PRKN: variants seen among roughly 807,000 people sequenced by gnomAD.
PRKN encodes the protein parkin RBR E3 ubiquitin protein ligase.
PRKN carries 56 observed loss-of-function variants against 59.5 expected under a neutral mutation model. That is an observed-to-expected ratio of 0.94 (90% confidence interval 0.76 to 1.18). The LOEUF (loss-of-function observed/expected upper bound fraction) is 1.18, where lower values mean the gene tolerates loss of function less well. PRKN is among the 50% of genes most tolerant of loss of function. PRKN has a pLI of 0.00. For synonymous variants in PRKN, 250 were observed against 222.1 expected (o/e 1.13, Z -1.12); for missense variants, 657 against 596.4 (o/e 1.10, Z -1.06).
At chr6:162,570,730 T>C (rs917179298) in intron 1 of PRKN, among the ~76,000 whole-genome samples, 2 of 152,164 alleles carry the variant, frequency 1.3e-5, no homozygotes, top group Non-Finnish European at 2.9e-5. Context: ...ACATCACATG[T>C]TCTCACTTAT....
At chr6:161,818,559 C>T (rs1247198132) in intron 6 of PRKN, among the ~76,000 whole-genome samples, 1 of 152,000 alleles carries the variant, frequency 6.6e-6, no homozygotes, top group African/African-American at 2.4e-5. Flanking sequence ...ATCACCAACA[C>T]CTGGACTAAA....
intron 2 of PRKN, among the ~76,000 whole-genome samples, chr6:162,278,393 C>G (rs1780728058): frequency 6.6e-6 from 1 of 152,028 alleles, no homozygotes; most frequent in East Asian, 1.9e-4. Context: ...TTGTCCAGAC[C>G]CACAGAGTGT....
intron 2 of PRKN, among the ~76,000 whole-genome samples, chr6:162,280,735 T>C (rs1780852922): frequency 7.5e-6 from 1 of 134,034 alleles, no homozygotes; most frequent in Admixed American, 9.1e-5. Context: ...AGGTAGAGGT[T>C]ACAGTGAGTG....
intron 4 of PRKN, among the ~76,000 whole-genome samples, chr6:162,106,240 A>T (rs888875895): frequency 6.6e-6 from 1 of 152,188 alleles, no homozygotes; most frequent in African/African-American, 2.4e-5. Flanking sequence ...AAGAATGCCA[A>T]ATTATTAGGT....
chr6:162,676,850 C>A (rs1779567167), intron 1 of PRKN, among the ~76,000 whole-genome samples: 1 of 152,036 alleles, frequency 6.6e-6, no homozygotes, highest in East Asian at 1.9e-4. Context: ...TCATTGAGGC[C>A]AGGAGTTTGT....
intron 5 of PRKN, among the ~76,000 whole-genome samples, chr6:162,015,676 C>T (rs1017145832): frequency 1.3e-5 from 2 of 152,158 alleles, no homozygotes; most frequent in African/African-American, 4.8e-5. Flanking sequence ...TACTCTATAG[C>T]ATTCCAGCTA....
intron 6 of PRKN, among the ~76,000 whole-genome samples, chr6:161,927,681 A>T (rs1328625135): frequency 6.6e-6 from 1 of 152,188 alleles, no homozygotes; most frequent in Admixed American, 6.5e-5. Flanking sequence ...GTTACTAAAA[A>T]ATTACTTTGC....
At chr6:162,455,904 T>A (rs913544389) in intron 1 of PRKN, among the ~76,000 whole-genome samples, 1 of 151,980 alleles carries the variant, frequency 6.6e-6, no homozygotes, top group Non-Finnish European at 1.5e-5. Flanking sequence ...GCAAGAAAAA[T>A]TAAGTGAGTT....
At chr6:162,281,075 T>C (rs768702160) in intron 2 of PRKN, among the ~76,000 whole-genome samples, 1 of 152,134 alleles carries the variant, frequency 6.6e-6, no homozygotes, top group Non-Finnish European at 1.5e-5. Context: ...CTCAGCATAG[T>C]ATTCCATGGT....
chr6:161,555,264 G>A (rs1780191268), intron 8 of PRKN, among the ~76,000 whole-genome samples: 1 of 151,984 alleles, frequency 6.6e-6, no homozygotes, highest in African/African-American at 2.4e-5. Flanking sequence ...GGTTCACCTT[G>A]AAAAGGTTAT....
chr6:161,654,147 A>T (rs1319795906), intron 7 of PRKN, among the ~76,000 whole-genome samples: 3 of 152,190 alleles, frequency 2.0e-5, no homozygotes, highest in Admixed American at 1.3e-4. Flanking sequence ...AGGCATTTTT[A>T]AAAATGAAGG....
At chr6:161,807,683 C>A (rs554462420) in intron 6 of PRKN, among the ~76,000 whole-genome samples, 187 of 152,306 alleles carry the variant, frequency 1.2e-3, no homozygotes, top group Admixed American at 2.7e-3. Flanking sequence ...AGGGGCAGTT[C>A]CCCTGTGTCT....
At chr6:162,474,910 CA>C (rs1158350036) in intron 1 of PRKN, among the ~76,000 whole-genome samples, 1 of 152,094 alleles carries the variant, frequency 6.6e-6, no homozygotes, top group African/African-American at 2.4e-5. Context: ...GATGAAGAGA[CA>C]AAAACATGCT....
chr6:161,919,289 T>G (rs1037016635), intron 6 of PRKN, among the ~76,000 whole-genome samples: 5 of 152,174 alleles, frequency 3.3e-5, no homozygotes, highest in African/African-American at 1.2e-4. Flanking sequence ...TTATCTAACA[T>G]TTCTAGAAAA....
intron 7 of PRKN, among the ~76,000 whole-genome samples, chr6:161,710,824 C>T (rs529604506): frequency 2.0e-3 from 257 of 130,678 alleles, no homozygotes; most frequent in Non-Finnish European, 3.2e-3. Flanking sequence ...CTCCCTCTTT[C>T]CTTCCTTCCT....
chr6:162,465,374 C>A (rs1168574137), intron 1 of PRKN, among the ~76,000 whole-genome samples: 1 of 152,112 alleles, frequency 6.6e-6, no homozygotes, highest in African/African-American at 2.4e-5. Context: ...TCAGCTTTAC[C>A]AAATTTTCTC....
At chr6:161,715,556 C>T (rs1215860068) in intron 7 of PRKN, among the ~76,000 whole-genome samples, 3 of 152,124 alleles carry the variant, frequency 2.0e-5, no homozygotes, top group South Asian at 4.1e-4. Flanking sequence ...ATGTGTCCTC[C>T]TAACAGCTTT....
At chr6:161,746,761 A>AGAT (rs1562651590) in intron 7 of PRKN, among the ~76,000 whole-genome samples, 13 of 146,788 alleles carry the variant, frequency 8.9e-5, no homozygotes, top group African/African-American at 3.3e-4. Context: ...ATATATATCT[A>AGAT]TATAGATATA....
At chr6:162,471,502 T>C (rs1032858174) in intron 1 of PRKN, among the ~76,000 whole-genome samples, 1 of 152,238 alleles carries the variant, frequency 6.6e-6, no homozygotes, top group Non-Finnish European at 1.5e-5. Context: ...TCTCCTTTCC[T>C]TTCTAACCTG....
Sources: gnomAD v4.1 joint callset for allele counts (sites outside exome capture counted in the v4.1 genomes callset) on GRCh38, gnomAD v4.1.1 for gene constraint, MANE v1.5 for transcripts, NCBI Gene and HGNC (gene_info 2026-07-23, HGNC 2026-07-21) for gene names.